KIAA1328: variants seen among roughly 807,000 people sequenced by gnomAD.
The protein encoded by KIAA1328 is protein hinderin.
Under a neutral mutation model 68.1 loss-of-function variants are expected in KIAA1328, and 52 were observed. The observed-to-expected ratio is 0.76, with a 90% CI of 0.61 to 0.96. KIAA1328 has a LOEUF of 0.96. Ranked by LOEUF, KIAA1328 falls within the 40% of genes least tolerant of loss-of-function variation. The pLI, the probability that KIAA1328 is intolerant of heterozygous loss-of-function variation, is 0.00. For synonymous variants in KIAA1328, 232 were observed against 239.4 expected, an observed-to-expected ratio of 0.97 and a Z score of 0.28; for missense variants, 641 against 677.6, an observed-to-expected ratio of 0.95 and a Z score of 0.60.
intron 9 of KIAA1328, among the ~76,000 whole-genome samples, chr18:37,216,675 T>C (rs1036545847): frequency 1.3e-5 from 2 of 152,182 alleles, no homozygotes; most frequent in South Asian, 4.1e-4. Flanking sequence ...GTTAAAGTCC[T>C]GGATATCCTT....
chr18:36,890,528 G>T (rs546733571), intron 5 of KIAA1328, among the ~76,000 whole-genome samples: 1 of 151,914 alleles, frequency 6.6e-6, no homozygotes, highest in Admixed American at 6.6e-5. Flanking sequence ...AAAATTAGCC[G>T]GGCAAGGTGG....
intron 7 of KIAA1328, among the ~76,000 whole-genome samples, chr18:37,151,161 A>T (rs2059020014): frequency 1.3e-5 from 2 of 152,186 alleles, no homozygotes; most frequent in African/African-American, 4.8e-5. Flanking sequence ...TTAGCATAGA[A>T]AATAAAAGCA....
chr18:36,838,664 G>A (rs577573342), intron 3 of KIAA1328, among the ~76,000 whole-genome samples: 15 of 152,036 alleles, frequency 9.9e-5, no homozygotes, highest in Non-Finnish European at 1.9e-4. Context: ...GTGTGTATGT[G>A]TTTAAATATG....
At chr18:37,090,721 A>AT (rs974295757) in intron 7 of KIAA1328, among the ~76,000 whole-genome samples, 1 of 152,112 alleles carries the variant, frequency 6.6e-6, no homozygotes. Context: ...CATTTAGGAC[A>AT]TTTTTTTGGA....
Position 36,952,571 on chromosome 18 carries a change from A to G in KIAA1328, c.449-6737A>G, listed in dbSNP as rs1206545882. On this transcript the variant is annotated intron_variant, in intron 5 of 9. Coordinates refer to ENST00000280020, the MANE Select transcript of KIAA1328 (RefSeq NM_020776.3). ...GAAGTTAACTGCCCTAAGTTATATC[A>G]TTACTAAGTACCAGAGTTACGATTT... is the stretch of plus-strand genomic sequence containing the variant. Among the ~76,000 whole-genome samples, 3 of 152,230 alleles carry G rather than the reference A, an allele frequency of 2.0e-5. No homozygotes were observed. In the East Asian group the frequency reaches 5.8e-4, roughly 29 times the overall value.
chr18:37,152,359 C>G (rs568585228), intron 7 of KIAA1328, among the ~76,000 whole-genome samples: 1 of 152,142 alleles, frequency 6.6e-6, no homozygotes, highest in Admixed American at 6.5e-5. Context: ...TTGGTAAAGC[C>G]TGTTAATATA....
intron 7 of KIAA1328, among the ~76,000 whole-genome samples, chr18:37,114,691 C>G (rs989757599): frequency 2.0e-5 from 3 of 152,042 alleles, no homozygotes; most frequent in African/African-American, 7.2e-5. Flanking sequence ...GAGACACAAA[C>G]AACCCTTTAG....
chr18:37,146,426 C>CT (rs1202809335), intron 7 of KIAA1328, among the ~76,000 whole-genome samples: 1 of 152,140 alleles, frequency 6.6e-6, no homozygotes, highest in Non-Finnish European at 1.5e-5. Context: ...TGATCTTCTT[C>CT]TTTTTATTGC....
At chr18:36,855,744 T>C (rs2150863416) in intron 4 of KIAA1328, among the ~76,000 whole-genome samples, 1 of 152,038 alleles carries the variant, frequency 6.6e-6, no homozygotes, top group South Asian at 2.1e-4. Flanking sequence ...GTCATGAAGA[T>C]TTACATCCCT....
intron 6 of KIAA1328, among the ~76,000 whole-genome samples, chr18:37,028,148 A>G (rs2054669466): frequency 6.6e-6 from 1 of 152,218 alleles, no homozygotes; most frequent in Non-Finnish European, 1.5e-5. Flanking sequence ...TGTACGTGAG[A>G]ACATGTGGTA....
chr18:37,175,112 C>A (rs1370570725), intron 9 of KIAA1328, among the ~76,000 whole-genome samples: 1 of 152,112 alleles, frequency 6.6e-6, no homozygotes, highest in Non-Finnish European at 1.5e-5. Context: ...GGGTTTCCAT[C>A]CTAGCTCACC....
intron 8 of KIAA1328, among the ~76,000 whole-genome samples, chr18:37,162,884 T>TAA (rs34141985): frequency 2.9e-5 from 4 of 137,672 alleles, no homozygotes; most frequent in African/African-American, 5.3e-5. Flanking sequence ...CTAAACATGT[T>TAA]AAAAAAAAAA....
At chr18:37,110,094 G>A (rs1396439113) in intron 7 of KIAA1328, among the ~76,000 whole-genome samples, 1 of 151,418 alleles carries the variant, frequency 6.6e-6, no homozygotes, top group African/African-American at 2.4e-5. Context: ...TTTTTTTCGA[G>A]GCTCCAATAA....
At chr18:37,087,936 T>TG (rs1050443501) in intron 7 of KIAA1328, among the ~76,000 whole-genome samples, 3 of 152,174 alleles carry the variant, frequency 2.0e-5, no homozygotes, top group African/African-American at 7.2e-5. Flanking sequence ...CAGCCTCTCC[T>TG]GGGGGATAAA....
chr18:37,019,649 T>C (rs322632), intron 6 of KIAA1328, among the ~76,000 whole-genome samples: 111,454 of 152,168 alleles, frequency 0.73, 43,969 homozygotes, highest in South Asian at 0.89. Flanking sequence ...TTAATCCAAG[T>C]GGGTGTTCCA....
chr18:36,845,512 T>G (rs562052138), intron 4 of KIAA1328, among the ~76,000 whole-genome samples: 1 of 151,854 alleles, frequency 6.6e-6, no homozygotes, highest in African/African-American at 2.4e-5. Flanking sequence ...CTGCCAAGCT[T>G]GGAGAATACC....
intron 7 of KIAA1328, among the ~76,000 whole-genome samples, chr18:37,135,715 G>T (rs969538360): frequency 7.9e-5 from 12 of 152,054 alleles, no homozygotes; most frequent in African/African-American, 2.7e-4. Flanking sequence ...TTTTTGTTCT[G>T]TTGCAATTGC....
intron 4 of KIAA1328, among the ~76,000 whole-genome samples, chr18:36,845,713 T>G (rs2047004781): frequency 1.3e-5 from 2 of 151,770 alleles, no homozygotes; most frequent in South Asian, 4.1e-4. Flanking sequence ...GTCAGTGCAG[T>G]GCTGGCATAA....
At chr18:36,846,420 T>TA (rs1418527766) in intron 4 of KIAA1328, among the ~76,000 whole-genome samples, 3 of 151,628 alleles carry the variant, frequency 2.0e-5, no homozygotes, top group Non-Finnish European at 3.0e-5. Flanking sequence ...TTTATTTTTT[T>TA]ATCAAGCATA....
Sources: allele counts gnomAD v4.1 joint callset (sites outside exome capture counted in the v4.1 genomes callset), GRCh38; gene constraint gnomAD v4.1.1; transcripts MANE v1.5; gene names NCBI Gene and HGNC (gene_info 2026-07-23, HGNC 2026-07-21).